The following NFIA variants were observed in gnomAD, a reference collection of about 807,000 sequenced individuals.
NFIA encodes the protein nuclear factor 1 A-type.
A neutral mutation model predicts 62.8 loss-of-function variants in NFIA; 8 were observed. The observed-to-expected ratio is 0.13, with a 90% CI of 0.07 to 0.23. NFIA has a LOEUF of 0.23. NFIA is among the 10% of genes least tolerant of loss of function. The pLI, the probability that NFIA is intolerant of heterozygous loss-of-function variation, is 1.00. For missense variants in NFIA, 410 were observed against 642.1 expected, an observed-to-expected ratio of 0.64 and a Z score of 3.91; for synonymous variants, 235 against 238.1, an observed-to-expected ratio of 0.99 and a Z score of 0.12.
chr1:61,250,180 T>G (rs1655936133), intron 2 of NFIA: 1 of 152,234 alleles, frequency 6.6e-6, no homozygotes, highest in Non-Finnish European at 1.5e-5. Flanking sequence ...AGACAAAGCG[T>G]ACATTGCTAA....
chr1:61,295,050 G>C (rs899221834), intron 3 of NFIA, among the ~76,000 whole-genome samples: 10 of 152,228 alleles, frequency 6.6e-5, no homozygotes, highest in African/African-American at 2.4e-4. Flanking sequence ...TTTGCTGCCA[G>C]TGAGGGAGAA....
At chr1:61,386,762 G>GCTA (rs1438959879) in intron 7 of NFIA, among the ~76,000 whole-genome samples, 1 of 152,218 alleles carries the variant, frequency 6.6e-6, no homozygotes, top group Non-Finnish European at 1.5e-5. Context: ...AAGGGAGGTA[G>GCTA]CGTAGCACAG....
At chr1:61,121,797 G>GT (rs1646891524) in intron 2 of NFIA, among the ~76,000 whole-genome samples, 1 of 152,190 alleles carries the variant, frequency 6.6e-6, no homozygotes, top group Non-Finnish European at 1.5e-5. Flanking sequence ...GACCCTGGTG[G>GT]TGATAGCATG....
Position 61,225,081 on chromosome 1 carries a change from C to T in NFIA, c.560-52439C>T, listed in dbSNP as rs571393294. 2.0e-5 allele frequency among the ~76,000 whole-genome samples: 3 copies of T among 152,036 alleles called. No homozygotes were observed. In the East Asian group the frequency reaches 5.8e-4, roughly 29 times the overall value. ...CATAGGAATCTATTGAACCCTTCCACCTTAAGTTTGCTCCATTCCTCAAAA... is the reference window on the plus strand; with the variant it reads ...CATAGGAATCTATTGAACCCTTCCATCTTAAGTTTGCTCCATTCCTCAAAA... On this transcript the variant is annotated intron_variant, in intron 2 of 10. Coordinates refer to ENST00000403491, the MANE Select transcript of NFIA (RefSeq NM_001134673.4).
intron 2 of NFIA, among the ~76,000 whole-genome samples, chr1:61,198,564 TGGGG>T (rs1325288380): frequency 2.0e-5 from 3 of 152,214 alleles, no homozygotes; most frequent in Non-Finnish European, 4.4e-5. Context: ...GAATAGGACC[TGGGG>T]GTTTTACTCT....
chr1:61,296,691 AT>A (rs576556510), intron 3 of NFIA, among the ~76,000 whole-genome samples: 6 of 152,138 alleles, frequency 3.9e-5, no homozygotes, highest in Non-Finnish European at 7.4e-5. Context: ...TTGAGCCTCG[AT>A]TTCTACCCCC....
chr1:61,191,959 T>C (rs772323054), intron 2 of NFIA, among the ~76,000 whole-genome samples: 1 of 79,292 alleles, frequency 1.3e-5, no homozygotes, highest in Non-Finnish European at 2.1e-5. Context: ...TGTTGTTGTT[T>C]TGTTTTTTGT....
At chr1:61,311,208 A>G (rs1660092965) in intron 3 of NFIA, among the ~76,000 whole-genome samples, 1 of 152,182 alleles carries the variant, frequency 6.6e-6, no homozygotes, top group African/African-American at 2.4e-5. Context: ...CCTGACCAAC[A>G]TGGAGAAACC....
intron 10 of NFIA, among the ~76,000 whole-genome samples, chr1:61,429,000 G>A (rs1666988733): frequency 1.3e-5 from 2 of 152,142 alleles, no homozygotes; most frequent in Non-Finnish European, 2.9e-5. Flanking sequence ...ATAAACAGAT[G>A]CAAAATAAAA....
At chr1:61,255,988 T>A (rs1296411458) in intron 2 of NFIA, among the ~76,000 whole-genome samples, 1 of 152,150 alleles carries the variant, frequency 6.6e-6, no homozygotes, top group Non-Finnish European at 1.5e-5. Context: ...GCTCTGTAAA[T>A]ACCTAGCATA....
At chr1:61,355,606 A>C (rs529199595) in intron 5 of NFIA, among the ~76,000 whole-genome samples, 2 of 151,776 alleles carry the variant, frequency 1.3e-5, no homozygotes, top group East Asian at 3.9e-4. Context: ...TCTCCAATAG[A>C]GACAGAGTCT....
At chr1:61,303,379 T>A (rs538916380) in intron 3 of NFIA, among the ~76,000 whole-genome samples, 2 of 152,338 alleles carry the variant, frequency 1.3e-5, no homozygotes, top group East Asian at 3.9e-4. Flanking sequence ...ATGAGAAAAG[T>A]ATCTAGTGCA....
intron 9 of NFIA, among the ~76,000 whole-genome samples, chr1:61,416,739 T>A (rs1206167879): frequency 6.6e-6 from 1 of 152,172 alleles, no homozygotes; most frequent in Non-Finnish European, 1.5e-5. Flanking sequence ...TTTGTTATTA[T>A]AAATCTGCAC....
chr1:61,428,866 C>T (rs1207447894), intron 10 of NFIA, among the ~76,000 whole-genome samples: 2 of 152,030 alleles, frequency 1.3e-5, no homozygotes, highest in African/African-American at 2.4e-5. Context: ...AATTGAATTA[C>T]AGGAAAAGTT....
intron 2 of NFIA, among the ~76,000 whole-genome samples, chr1:61,217,624 A>G (rs2100612344): frequency 6.6e-6 from 1 of 152,340 alleles, no homozygotes; most frequent in Non-Finnish European, 1.5e-5. Flanking sequence ...GGAAAAGCTC[A>G]AGATTGGGAA....
intron 2 of NFIA, among the ~76,000 whole-genome samples, chr1:61,263,733 G>A (rs1405767868): frequency 2.0e-5 from 3 of 152,138 alleles, no homozygotes; most frequent in African/African-American, 7.2e-5. Context: ...GGTGGCTCAC[G>A]CCTGTAATCC....
In NFIA at chr1:61,180,369, C is replaced by G. The variant is rs545726981; in HGVS notation, c.559+91689C>G. ...CCTTAAATGATAATGGGAAACCTCA[C>G]TATTGATTGGCTGACTCTTAATTCT... On this transcript the variant is annotated intron_variant, in intron 2 of 10. Transcript: ENST00000403491. Among the ~76,000 whole-genome samples, 5 of 152,324 alleles carry G rather than the reference C, an allele frequency of 3.3e-5. No homozygotes were observed. In the East Asian group the frequency reaches 7.7e-4, roughly 23 times the overall value.
chr1:61,418,582 T>C (rs1049241196), intron 9 of NFIA, among the ~76,000 whole-genome samples: 1 of 152,242 alleles, frequency 6.6e-6, no homozygotes, highest in African/African-American at 2.4e-5. Flanking sequence ...GTGTGTATTA[T>C]ACAGTTTTGT....
At chr1:61,148,826 G>A (rs1184856787) in intron 2 of NFIA, among the ~76,000 whole-genome samples, 16 of 152,048 alleles carry the variant, frequency 1.1e-4, no homozygotes. Flanking sequence ...TACTAAAGTG[G>A]GTAAACAGGC....
Sources: allele counts gnomAD v4.1 joint callset (sites outside exome capture counted in the v4.1 genomes callset), GRCh38; gene constraint gnomAD v4.1.1; transcripts MANE v1.5; gene names NCBI Gene and HGNC (gene_info 2026-07-23, HGNC 2026-07-21).